The following EBF1 variants were observed in gnomAD, a reference collection of about 807,000 sequenced individuals.
The protein encoded by EBF1 is EBF transcription factor 1, also known as transcription factor COE1.
In EBF1, 10 loss-of-function variants were observed where a neutral mutation model predicts 68.4. That is an observed-to-expected ratio of 0.15 (90% CI 0.09 to 0.25). The LOEUF (loss-of-function observed/expected upper bound fraction) is 0.25. Among genes scored for constraint, EBF1 ranks in the 10% least tolerant of loss-of-function variants. The pLI is 1.00. For missense variants in EBF1, 509 were observed against 794.4 expected, an observed-to-expected ratio of 0.64 and a Z score of 4.32; for synonymous variants, 298 against 299.8, an observed-to-expected ratio of 0.99 and a Z score of 0.06.
chr5:158,819,250 T>C (rs1057037655), intron 8 of EBF1, among the ~76,000 whole-genome samples: 1 of 152,258 alleles, frequency 6.6e-6, no homozygotes, highest in Admixed American at 6.5e-5. Context: ...AAATGCTGCC[T>C]GTGAGTTCAC....
At chr5:159,000,076 T>C (rs1292243908) in intron 6 of EBF1, among the ~76,000 whole-genome samples, 1 of 152,188 alleles carries the variant, frequency 6.6e-6, no homozygotes, top group East Asian at 1.9e-4. Context: ...GCAAAAGCAA[T>C]GATAGATGAA....
intron 6 of EBF1, among the ~76,000 whole-genome samples, chr5:158,881,660 C>T (rs1238082270): frequency 1.3e-5 from 2 of 152,186 alleles, no homozygotes; most frequent in Admixed American, 6.5e-5. Context: ...CATCACCTCT[C>T]TTGTCATCAG....
chr5:158,742,933 T>C (rs972171885), intron 10 of EBF1, among the ~76,000 whole-genome samples: 8 of 152,174 alleles, frequency 5.3e-5, no homozygotes, highest in African/African-American at 1.9e-4. Flanking sequence ...TTAAATAAAA[T>C]TGCAGGCTTG....
chr5:158,856,065 A>G (rs1793941329), intron 6 of EBF1, among the ~76,000 whole-genome samples: 1 of 152,214 alleles, frequency 6.6e-6, no homozygotes, highest in Non-Finnish European at 1.5e-5. Flanking sequence ...GAAAAGAAGA[A>G]GCTACAGGCA....
intron 6 of EBF1, among the ~76,000 whole-genome samples, chr5:159,005,791 A>G (rs761344857): frequency 3.9e-5 from 6 of 152,208 alleles, no homozygotes; most frequent in Admixed American, 6.5e-5. Context: ...GAAACTGCCT[A>G]TGACTTAATA....
At chr5:158,734,960 AG>A (rs1204843677) in intron 10 of EBF1, among the ~76,000 whole-genome samples, 2 of 152,160 alleles carry the variant, frequency 1.3e-5, no homozygotes, top group Admixed American at 1.3e-4. Flanking sequence ...CAAATAGAAA[AG>A]CCTCAATGTT....
intron 7 of EBF1, among the ~76,000 whole-genome samples, chr5:158,839,456 A>C (rs1789671224): frequency 1.3e-5 from 2 of 152,126 alleles, no homozygotes; most frequent in South Asian, 4.1e-4. Flanking sequence ...GCATGACCTC[A>C]GCTGCAACCT....
intron 6 of EBF1, among the ~76,000 whole-genome samples, chr5:159,030,346 G>C (rs948799307): frequency 6.6e-6 from 1 of 151,998 alleles, no homozygotes; most frequent in Non-Finnish European, 1.5e-5. Flanking sequence ...ATGGCCAGGG[G>C]ATGGTATATT....
intron 6 of EBF1, among the ~76,000 whole-genome samples, chr5:159,034,734 T>G (rs1015229148): frequency 1.3e-5 from 2 of 152,168 alleles, no homozygotes; most frequent in African/African-American, 4.8e-5. Flanking sequence ...CCCCTTGCCC[T>G]GCAGATTTCT....
intron 6 of EBF1, among the ~76,000 whole-genome samples, chr5:158,840,703 G>T (rs1790147484): frequency 9.2e-6 from 1 of 108,200 alleles, no homozygotes; most frequent in East Asian, 2.8e-4. Flanking sequence ...ACGGAGTCTC[G>T]CTCTGTCGCC....
At chr5:158,960,742 GGCCT>G (rs1818014729) in intron 6 of EBF1, among the ~76,000 whole-genome samples, 1 of 152,182 alleles carries the variant, frequency 6.6e-6, no homozygotes, top group African/African-American at 2.4e-5. Flanking sequence ...AGGTCAAAAA[GGCCT>G]GTCAGTTTCC....
At position 158,723,841 on chromosome 5, in the gene EBF1, G is replaced by T. The variant is rs1762423933; in HGVS notation, c.1125+7228C>A. 3.3e-5 allele frequency among the ~76,000 whole-genome samples: 5 copies of T among 152,076 alleles called. No homozygotes were observed. The South Asian group carries it at 1.0e-3, about 32-fold the overall frequency. Reference sequence around the variant, plus strand: ...GAGGTGAGAATTACAACTTTCATGGGGGTCATCGGCCTTTTTACTGAGGCT... The same window carrying T: ...GAGGTGAGAATTACAACTTTCATGGTGGTCATCGGCCTTTTTACTGAGGCT... On this transcript the variant is annotated intron_variant, in intron 11 of 15. Transcript: ENST00000313708.
intron 6 of EBF1, among the ~76,000 whole-genome samples, chr5:158,856,456 A>C (rs907889192): frequency 3.3e-5 from 5 of 152,112 alleles, no homozygotes; most frequent in Non-Finnish European, 7.4e-5. Context: ...TTGCCTGCAC[A>C]CTCTAGTGGT....
At chr5:158,873,567 A>T (rs1315406029) in intron 6 of EBF1, among the ~76,000 whole-genome samples, 1 of 152,194 alleles carries the variant, frequency 6.6e-6, no homozygotes, top group Non-Finnish European at 1.5e-5. Flanking sequence ...ATGAAAACCC[A>T]TACTACTTAT....
chr5:158,747,240 A>T (rs1438729552), intron 10 of EBF1, among the ~76,000 whole-genome samples: 1 of 152,286 alleles, frequency 6.6e-6, no homozygotes, highest in East Asian at 1.9e-4. Flanking sequence ...TCATTCCTCC[A>T]TGTAAGCCTG....
At chr5:158,901,254 AC>A (rs1426514887) in intron 6 of EBF1, among the ~76,000 whole-genome samples, 5 of 152,240 alleles carry the variant, frequency 3.3e-5, no homozygotes, top group Non-Finnish European at 5.9e-5. Flanking sequence ...TAGGATAAAT[AC>A]CATTAGTTCT....
chr5:158,871,434 C>T (rs1326797000), intron 6 of EBF1, among the ~76,000 whole-genome samples: 3 of 152,108 alleles, frequency 2.0e-5, no homozygotes, highest in African/African-American at 7.2e-5. Context: ...ACAACTGTTG[C>T]TATTAGGAAT....
intron 6 of EBF1, among the ~76,000 whole-genome samples, chr5:159,027,953 C>T (rs1768023971): frequency 6.6e-6 from 1 of 152,124 alleles, no homozygotes; most frequent in African/African-American, 2.4e-5. Flanking sequence ...GAACTTTAGC[C>T]CATTTATCTT....
chr5:159,003,673 G>C (rs146344851), intron 6 of EBF1, among the ~76,000 whole-genome samples: 1 of 152,202 alleles, frequency 6.6e-6, no homozygotes, highest in Non-Finnish European at 1.5e-5. Flanking sequence ...GACTCAAAGC[G>C]TGACAACAGC....
Sources: allele counts gnomAD v4.1 joint callset (sites outside exome capture counted in the v4.1 genomes callset), GRCh38; gene constraint gnomAD v4.1.1; transcripts MANE v1.5; gene names NCBI Gene and HGNC (gene_info 2026-07-23, HGNC 2026-07-21).